The following PLD5 variants were observed in gnomAD, a reference collection of about 807,000 sequenced individuals.
PLD5 encodes phospholipase D family member 5, also known as inactive phospholipase D5.
PLD5 carries 36 observed loss-of-function variants against 61.1 expected under a neutral mutation model. The ratio of observed to expected loss-of-function variants is 0.59; its 90% confidence interval spans 0.45 to 0.78. The LOEUF (loss-of-function observed/expected upper bound fraction) is 0.78, where lower values mean the gene tolerates loss of function less well. PLD5 is among the 30% of genes least tolerant of loss of function. The pLI is 0.00. For missense variants in PLD5, 515 were observed against 644.4 expected, an observed-to-expected ratio of 0.80 and a Z score of 2.17; for synonymous variants, 243 against 242.8, an observed-to-expected ratio of 1.00 and a Z score of -0.01.
At chr1:242,228,658 G>C (rs760384595) in intron 4 of PLD5, among the ~76,000 whole-genome samples, 5 of 151,466 alleles carry the variant, frequency 3.3e-5, no homozygotes, top group South Asian at 4.2e-4. Flanking sequence ...GGGAGGGAGG[G>C]AAGGAGGGAG....
chr1:242,131,981 G>A (rs1663294913), intron 5 of PLD5, among the ~76,000 whole-genome samples: 1 of 151,182 alleles, frequency 6.6e-6, no homozygotes, highest in Admixed American at 6.6e-5. Flanking sequence ...ACAGGAGCAC[G>A]CCACTATGCC....
At chr1:242,492,916 C>A (rs1361216565) in intron 1 of PLD5, among the ~76,000 whole-genome samples, 1 of 152,098 alleles carries the variant, frequency 6.6e-6, no homozygotes, top group East Asian at 1.9e-4. Context: ...AATCACCTCC[C>A]AAAGGCTCTA....
intron 1 of PLD5, among the ~76,000 whole-genome samples, chr1:242,431,851 G>A (rs1467528341): frequency 6.6e-6 from 1 of 152,202 alleles, no homozygotes; most frequent in Non-Finnish European, 1.5e-5. Context: ...AGTCATAACT[G>A]TGTAAGAAGA....
chr1:242,164,167 GAAAAA>G (rs34329270), intron 5 of PLD5, among the ~76,000 whole-genome samples: 1 of 145,822 alleles, frequency 6.9e-6, no homozygotes, highest in Non-Finnish European at 1.5e-5. Flanking sequence ...TCTGAATGCA[GAAAAA>G]AAAAAAAGAA....
At chr1:242,265,760 C>G (rs1673635661) in intron 3 of PLD5, among the ~76,000 whole-genome samples, 1 of 152,176 alleles carries the variant, frequency 6.6e-6, no homozygotes, top group Admixed American at 6.5e-5. Flanking sequence ...CATGAAGAGG[C>G]AGCAAAGAAG....
At chr1:242,237,437 G>A (rs936582567) in intron 4 of PLD5, among the ~76,000 whole-genome samples, 4 of 152,146 alleles carry the variant, frequency 2.6e-5, no homozygotes, top group African/African-American at 9.7e-5. Context: ...GATAAGGGAG[G>A]GGTTTCCTTT....
chr1:242,473,280 G>A (rs1034663559), intron 1 of PLD5, among the ~76,000 whole-genome samples: 3 of 152,172 alleles, frequency 2.0e-5, no homozygotes, highest in African/African-American at 7.2e-5. Context: ...GAATTGGGAA[G>A]ACAAAAGAAA....
At chr1:242,269,485 T>C (rs1270235311) in intron 3 of PLD5, among the ~76,000 whole-genome samples, 1 of 151,082 alleles carries the variant, frequency 6.6e-6, no homozygotes, top group Non-Finnish European at 1.5e-5. Flanking sequence ...TCTACCCTCC[T>C]AGGTTCAATG....
At chr1:242,309,103 G>T (rs1676544763) in intron 2 of PLD5, among the ~76,000 whole-genome samples, 1 of 152,108 alleles carries the variant, frequency 6.6e-6, no homozygotes, top group Non-Finnish European at 1.5e-5. Flanking sequence ...TTAACAAGTG[G>T]AACCTTGAAT....
chr1:242,198,092 G>A (rs1416728404), intron 5 of PLD5, among the ~76,000 whole-genome samples: 2 of 152,016 alleles, frequency 1.3e-5, no homozygotes, highest in Non-Finnish European at 2.9e-5. Flanking sequence ...ATGAATGAAT[G>A]AATGAATGAA....
At chr1:242,512,208 G>C (rs866948892) in intron 1 of PLD5, among the ~76,000 whole-genome samples, 4 of 151,052 alleles carry the variant, frequency 2.6e-5, no homozygotes, top group African/African-American at 7.3e-5. Flanking sequence ...TCAGGAGATC[G>C]AGACCATCCT....
At chr1:242,463,382 TA>T (rs1667178698) in intron 1 of PLD5, among the ~76,000 whole-genome samples, 3 of 152,198 alleles carry the variant, frequency 2.0e-5, no homozygotes. Flanking sequence ...CCAGCAAGAC[TA>T]GGGAAAAACA....
At chr1:242,271,497 AAT>A (rs369890630) in intron 3 of PLD5, among the ~76,000 whole-genome samples, 108 of 152,324 alleles carry the variant, frequency 7.1e-4, no homozygotes, top group Non-Finnish European at 1.2e-3. Flanking sequence ...TCACCAAAAC[AAT>A]AGTTACCCAT....
chr1:242,174,148 A>G (rs1156545793), intron 5 of PLD5, among the ~76,000 whole-genome samples: 1 of 152,210 alleles, frequency 6.6e-6, no homozygotes, highest in Non-Finnish European at 1.5e-5. Flanking sequence ...CAATCTACTC[A>G]TCTGACAAAG....
At chr1:242,210,064 G>A (rs1326854922) in intron 5 of PLD5, among the ~76,000 whole-genome samples, 1 of 152,096 alleles carries the variant, frequency 6.6e-6, no homozygotes, top group Non-Finnish European at 1.5e-5. Context: ...CAAAGTCCTG[G>A]GATTACTGGC....
chr1:242,478,626 T>C (rs1397677685), intron 1 of PLD5, among the ~76,000 whole-genome samples: 1 of 152,212 alleles, frequency 6.6e-6, no homozygotes, highest in African/African-American at 2.4e-5. Flanking sequence ...TGTAGGTCAA[T>C]CACTTCGCAA....
intron 6 of PLD5, among the ~76,000 whole-genome samples, chr1:242,122,800 T>C (rs1302496347): frequency 1.3e-5 from 2 of 152,264 alleles, no homozygotes; most frequent in Non-Finnish European, 2.9e-5. Context: ...TTGTGTTTTC[T>C]TTCTATTGTT....
At chr1:242,105,083 C>T (rs1660942059) in intron 8 of PLD5, among the ~76,000 whole-genome samples, 1 of 152,104 alleles carries the variant, frequency 6.6e-6, no homozygotes, top group Non-Finnish European at 1.5e-5. Flanking sequence ...GATGAAAACT[C>T]ATGTTATACA....
chr1:242,494,977 G>A (rs534476894), intron 1 of PLD5, among the ~76,000 whole-genome samples: 2 of 150,716 alleles, frequency 1.3e-5, no homozygotes, highest in African/African-American at 2.4e-5. Context: ...GTGGGAGCCT[G>A]TATGGTTATC....
Sources: allele counts gnomAD v4.1 joint callset (sites outside exome capture counted in the v4.1 genomes callset), GRCh38; gene constraint gnomAD v4.1.1; transcripts MANE v1.5; gene names NCBI Gene and HGNC (gene_info 2026-07-23, HGNC 2026-07-21).